The following ABCF2 variants were observed in gnomAD, a reference collection of about 807,000 sequenced individuals.
ABCF2 encodes the protein ATP binding cassette subfamily F member 2.
In ABCF2, 37 loss-of-function variants were observed where a neutral mutation model predicts 76.9. The observed-to-expected ratio is 0.48, with a 90% CI of 0.37 to 0.63. The LOEUF (loss-of-function observed/expected upper bound fraction) is 0.63, where lower values mean the gene tolerates loss of function less well. Among genes scored for constraint, ABCF2 ranks in the 30% least tolerant of loss-of-function variants. ABCF2 has a pLI of 0.00. For missense variants in ABCF2, 524 were observed against 782.1 expected (o/e 0.67, Z 3.94); for synonymous variants, 299 against 283.7 (o/e 1.05, Z -0.54).
chr7:151,224,739 GGA>G (rs1290966609), intron 3 of ABCF2, 35 bp downstream of exon 3: 1 of 1,567,178 alleles, frequency 6.4e-7, no homozygotes, highest in South Asian at 1.1e-5. Flanking sequence ...GATGAGCTAA[GGA>G]GAGATACCTC....
intron 11 of ABCF2, among the ~76,000 whole-genome samples, chr7:151,216,535 TTTTC>T (rs1802154335): frequency 6.6e-6 from 1 of 152,216 alleles, no homozygotes; most frequent in African/African-American, 2.4e-5. Context: ...CCAAAGATTC[TTTTC>T]TTTAAGAGGG....
At position 151,222,606 on chromosome 7, in the gene ABCF2, T is replaced by A. The variant is rs373917598; in HGVS notation, c.733A>T (p.Ile245Phe). 12 of 1,613,422 alleles carry A rather than the reference T, an allele frequency of 7.4e-6. No individual in the cohort carries two copies. The highest frequency in any genetic ancestry group is 1.0e-5 in the Non-Finnish European group (12 of 1,179,656). ...TCCAGGAGCAGCATGAAGGGCCGAATAAAGAGGGCTCTGAAGGACGGTAAA... is the reference window on the plus strand; with the variant it reads ...TCCAGGAGCAGCATGAAGGGCCGAAAAAAGAGGGCTCTGAAGGACGGTAAA... ...MRVALARALF[I>F]RPFMLLLDEP... is the part of the protein sequence containing the mutation. The change falls in exon 6 of 15, where the codon ATT becomes TTT. Residue 245 changes from isoleucine (I) to phenylalanine (F), a missense_variant. Ile to Phe is a conservative substitution (Grantham distance 21). Coordinates refer to ENST00000287844, the MANE Select transcript of ABCF2 (RefSeq NM_007189.3).
chr7:151,225,981 C>G (rs369961378), intron 2 of ABCF2, among the ~76,000 whole-genome samples: 6 of 152,182 alleles, frequency 3.9e-5, no homozygotes, highest in African/African-American at 1.4e-4. Flanking sequence ...TAGCAAAGAA[C>G]CTGGCACATT....
rs1802129704 is a variant in ABCF2, at chr7:151,215,395, G to A, written c.1530+209C>T. 6.6e-6 allele frequency among the ~76,000 whole-genome samples: 1 copy of A among 152,200 alleles called. No individual in the cohort carries two copies. The stretch of plus-strand genomic sequence containing the variant: ...CACTATGGCACAAGGGCATGTCAGA[G>A]ACTGGCACGCTATCCTTGCCCCCTC... On this transcript the variant is annotated intron_variant, in intron 13 of 14. Transcript: ENST00000287844. This position sits in a 1 kb window ranked among gnomAD's most constrained non-coding sequence, Gnocchi z 4.6.
At chr7:151,216,583 G>T (rs1158328952) in intron 11 of ABCF2, among the ~76,000 whole-genome samples, 1 of 152,154 alleles carries the variant, frequency 6.6e-6, no homozygotes, top group African/African-American at 2.4e-5. Context: ...GGAGTGCAGT[G>T]GCGAGATCTC....
In ABCF2 at chr7:151,215,157, C is replaced by T; in HGVS notation, c.1531-75G>A. ...AGCACAGCTCATCTCTCCCTCATTT[C>T]TCCCTGACTCCTCCATTAGCATCGC... On this transcript the variant is annotated intron_variant, in intron 13 of 14. Coordinates refer to ENST00000287844, the MANE Select transcript of ABCF2 (RefSeq NM_007189.3). This position sits in a 1 kb window ranked among gnomAD's most constrained non-coding sequence, Gnocchi z 4.6. 1 of 1,338,378 alleles carries T rather than the reference C, an allele frequency of 7.5e-7. No homozygotes were observed. The highest frequency in any genetic ancestry group is 1.0e-6 in the Non-Finnish European group (1 of 954,650). 82.9% of individuals were successfully genotyped at this position (1,338,378 alleles called of 1,614,324 possible).
intron 11 of ABCF2, among the ~76,000 whole-genome samples, chr7:151,217,348 A>C (rs570802239): frequency 1.3e-5 from 2 of 152,212 alleles, no homozygotes; most frequent in East Asian, 3.8e-4. Flanking sequence ...GAGAAAACCC[A>C]TGTAGACGTT....
Position 151,212,160 on chromosome 7 carries a change from G to C in ABCF2, c.*1894C>G, listed in dbSNP as rs1802058967. ...TGGGACAGTTGCTCCCGCCAGTCCTGGCTGTATTATGAGTACTGAAAAATC... is the reference window on the plus strand; with the variant it reads ...TGGGACAGTTGCTCCCGCCAGTCCTCGCTGTATTATGAGTACTGAAAAATC... On this transcript the variant is annotated 3_prime_UTR_variant, in exon 15 of 15. Coordinates refer to ENST00000287844, the MANE Select transcript of ABCF2 (RefSeq NM_007189.3). 3 of 985,446 alleles carry C rather than the reference G, an allele frequency of 3.0e-6. No individual in the cohort carries two copies. The highest frequency in any genetic ancestry group is 3.6e-6 in the Non-Finnish European group (3 of 829,932). The allele number at this position is 985,446 out of a possible 1,614,324, so 61.0% of individuals were successfully genotyped here.
chr7:151,225,771 G>A (rs1055093281), intron 2 of ABCF2, among the ~76,000 whole-genome samples: 14 of 152,190 alleles, frequency 9.2e-5, no homozygotes, highest in African/African-American at 3.4e-4. Flanking sequence ...CAGTCTAGAC[G>A]GTAAGTTTTT....
At chr7:151,222,725 G>A (rs1802295852) in intron 5 of ABCF2, 109 bp from the exon 6 acceptor site, 2 of 793,336 alleles carry the variant, frequency 2.5e-6, no homozygotes. Flanking sequence ...CCTGGCTTGA[G>A]TCTTGAAATC....
At chr7:151,224,641 T>C in intron 3 of ABCF2, 135 bp downstream of exon 3, 2 of 802,386 alleles carry the variant, frequency 2.5e-6, no homozygotes, top group East Asian at 5.3e-5. Flanking sequence ...CTAGTTCCTT[T>C]CCCCTGGACA....
Position 151,212,511 on chromosome 7 carries a change from T to C in ABCF2, c.*1543A>G. On this transcript the variant is annotated 3_prime_UTR_variant, in exon 15 of 15. Transcript: ENST00000287844. ...ATGCTCAGCAATCTGAATTTTTTTATTTTTTTGAGACAGTGTCTCGGTCTG... is the reference window on the plus strand; with the variant it reads ...ATGCTCAGCAATCTGAATTTTTTTACTTTTTTGAGACAGTGTCTCGGTCTG... 6.1e-6 allele frequency: 6 copies of C among 984,936 alleles called. No individual in the cohort carries two copies. Among genetic ancestry groups the C allele is most frequent in the Non-Finnish European group, 7.2e-6 (6 of 829,506 alleles). 61.0% of individuals were successfully genotyped at this position (984,936 alleles called of 1,614,324 possible). A position where few individuals can be genotyped will look rare whatever the true frequency, so the allele number is the denominator to read the frequency against.
rs994631418 is a variant in ABCF2 at position 151,212,260 on chromosome 7, T to C, written c.*1794A>G. 1.6e-5 allele frequency: 16 copies of C among 985,342 alleles called. No homozygotes were observed. The African/African-American group carries it at 2.8e-4, about 17-fold the overall frequency. The allele number at this position is 985,342 out of a possible 1,614,324, so 61.0% of individuals were successfully genotyped here. A position where few individuals can be genotyped will look rare whatever the true frequency, so the allele number is the denominator to read the frequency against. ...AATCCACACCAGGAAGGATGGCCAC[T>C]GGTGAAATGCTATTGAAGTTCAAAA... is the stretch of plus-strand genomic sequence containing the variant. On this transcript the variant is annotated 3_prime_UTR_variant, in exon 15 of 15. Coordinates refer to ENST00000287844, the MANE Select transcript of ABCF2 (RefSeq NM_007189.3).
intron 7 of ABCF2, among the ~76,000 whole-genome samples, chr7:151,219,848 C>T (rs1165055790): frequency 1.3e-5 from 2 of 152,196 alleles, no homozygotes; most frequent in Admixed American, 6.5e-5. Context: ...CCTGTAATTC[C>T]AGCACTTTGG....
chr7:151,224,058 T>C lies in ABCF2; in HGVS notation c.424A>G (p.Ile142Val). The change falls in exon 4 of 15, where the codon ATC (isoleucine) becomes GTC (valine). Residue 142 changes from isoleucine (I) to valine (V), a missense_variant. Around this residue, in one of 2 missense-constraint regions of ABCF2, gnomAD observed 330 missense variants for 433.6 expected, o/e 0.76. Transcript: ENST00000287844. ...GKREVPIPEH[I>V]DIYHLTREMP... ...TCTCGAGTCAGATGGTAGATGTCGA[T>C]GTGCTCAGGGATGGGCACTTCACGC... 2 of 1,614,192 alleles carry C rather than the reference T, an allele frequency of 1.2e-6. No individual in the cohort carries two copies. Among genetic ancestry groups the C allele is most frequent in the Non-Finnish European group, 1.7e-6 (2 of 1,180,028 alleles).
Position 151,213,273 on chromosome 7 carries a change from G to T in ABCF2, c.*781C>A. The T allele has an allele frequency of 1.0e-6, 1 of 977,336 alleles. No individual in the cohort carries two copies. 60.5% of individuals were successfully genotyped at this position (977,336 alleles called of 1,614,324 possible). Reference sequence around the variant, plus strand: ...ACGCTGAGGCGAGATCTGGCAATCTGATTGCATGAGCCCTCCAGGTGATTC... The same window carrying T: ...ACGCTGAGGCGAGATCTGGCAATCTTATTGCATGAGCCCTCCAGGTGATTC... On this transcript the variant is annotated 3_prime_UTR_variant, in exon 15 of 15. Transcript: ENST00000287844.
chr7:151,214,149 T>C lies in ABCF2; in HGVS notation c.1777A>G (p.Lys593Glu). 6.2e-7 allele frequency: 1 copy of C among 1,614,176 alleles called. No individual in the cohort carries two copies. ...TAAGCCAGGATGTCTCCAGGCCACT[T>C]GGTGATTGTCTGCTTCTCACAGACC... Reference protein sequence around the residue: ...IWVCEKQTITKWPGDILAYKE... With the variant: ...IWVCEKQTITEWPGDILAYKE... The change falls in exon 15 of 15, where the codon AAG becomes GAG. Residue 593 changes from lysine to glutamate, a missense_variant. Physicochemically the swap from Lys to Glu is moderately conservative, Grantham distance 56 (BLOSUM62 1). Transcript: ENST00000287844. This position sits in a 1 kb window ranked among gnomAD's most constrained non-coding sequence, Gnocchi z 4.9.
At chr7:151,223,386 T>C (rs1455488254) in intron 5 of ABCF2, among the ~76,000 whole-genome samples, 1 of 152,188 alleles carries the variant, frequency 6.6e-6, no homozygotes, top group African/African-American at 2.4e-5. Flanking sequence ...AAGGGAATCC[T>C]GGTGGGAGGA....
chr7:151,214,322 C>G lies in ABCF2; in HGVS notation c.1735-131G>C. 7.4e-7 allele frequency: 1 copy of G among 1,351,026 alleles called. No individual in the cohort carries two copies. Among genetic ancestry groups the G allele is most frequent in the East Asian group, 2.3e-5 (1 of 42,980 alleles). The allele number at this position is 1,351,026 out of a possible 1,614,324, so 83.7% of individuals were successfully genotyped here. On this transcript the variant is annotated intron_variant, in intron 14 of 14. Coordinates refer to ENST00000287844, the MANE Select transcript of ABCF2 (RefSeq NM_007189.3). This position sits in a 1 kb window ranked among gnomAD's most constrained non-coding sequence, Gnocchi z 4.9. ...CCATATCCAACTCACTGTCTCACTA[C>G]TTCTAAGTTATTTGGGATGTTCTAA...
Sources: gnomAD v4.1 joint callset for allele counts (sites outside exome capture counted in the v4.1 genomes callset) on GRCh38, gnomAD v4.1.1 for gene constraint, gnomAD v4.1.1 regional missense constraint, Gnocchi (gnomAD v3.1) non-coding constraint, MANE v1.5 for transcripts, NCBI Gene and HGNC (gene_info 2026-07-23, HGNC 2026-07-21) for gene names.